Variants in TBC1D9 observed in about 807,000 individuals in gnomAD.
TBC1D9 encodes TBC1 domain family member 9.
In TBC1D9, 63 loss-of-function variants were observed where a neutral mutation model predicts 132.0. The ratio of observed to expected loss-of-function variants is 0.48; its 90% CI spans 0.39 to 0.59. The LOEUF (loss-of-function observed/expected upper bound fraction) is 0.59. Among genes scored for constraint, TBC1D9 ranks in the 20% least tolerant of loss-of-function variants. The pLI is 0.00. For synonymous variants in TBC1D9, 610 were observed against 609.9 expected (o/e 1.00, Z 0.00); for missense variants, 1,261 against 1,592.7 (o/e 0.79, Z 3.54).
chr4:140,666,492 C>A (rs888779528), intron 9 of TBC1D9, among the ~76,000 whole-genome samples: 2 of 152,152 alleles, frequency 1.3e-5, no homozygotes, highest in Non-Finnish European at 2.9e-5. Context: ...CCCGCCACCG[C>A]GCCCATCTAA....
At chr4:140,643,432 G>T in intron 13 of TBC1D9, 3 of 952,816 alleles carry the variant, frequency 3.1e-6, no homozygotes, top group Non-Finnish European at 1.7e-6. Context: ...TCCAGGCCGG[G>T]CAGGAACTGC....
At position 140,657,784 on chromosome 4, in the gene TBC1D9, C is replaced by T. The variant is rs1242092736; in HGVS notation, c.1950G>A (p.Glu650=). ...VGALVDQGVF[E]ELARDYVPQL... is the part of the protein sequence containing the mutation. Reference sequence around the variant, plus strand: ...GTGGGACGTAGTCTCGTGCTAGCTCCTCAAAGACACCTTGGTCCACCAGTG... The same window carrying T: ...GTGGGACGTAGTCTCGTGCTAGCTCTTCAAAGACACCTTGGTCCACCAGTG... The change falls in exon 12 of 21, where the codon GAG becomes GAA. Residue 650 remains glutamate (E), a synonymous_variant. Coordinates refer to ENST00000442267, the MANE Select transcript of TBC1D9 (RefSeq NM_015130.3). 2 of 1,613,418 alleles carry T rather than the reference C, an allele frequency of 1.2e-6. No homozygotes were observed. Among genetic ancestry groups the T allele is most frequent in the Non-Finnish European group, 8.5e-7 (1 of 1,179,690 alleles).
rs1462582101 is a variant in TBC1D9, at chr4:140,661,876, C to T, written c.1803+17G>A. On this transcript the variant is annotated intron_variant, in intron 10 of 20. Transcript: ENST00000442267. ...TTTTATTTTATTTTTTTAGCAAAAA[C>T]CACCTGTGACATTTACCTGGCAATA... 1 of 1,600,556 alleles carries T rather than the reference C, an allele frequency of 6.2e-7. No individual in the cohort carries two copies. Among genetic ancestry groups the T allele is most frequent in the Non-Finnish European group, 8.5e-7 (1 of 1,170,118 alleles).
At chr4:140,707,976 CA>C (rs967139724) in intron 1 of TBC1D9, among the ~76,000 whole-genome samples, 87 of 144,502 alleles carry the variant, frequency 6.0e-4, no homozygotes, top group Non-Finnish European at 4.7e-4. Flanking sequence ...TTTCCTACTT[CA>C]AAAAAAAAAA....
chr4:140,644,816 C>T, intron 13 of TBC1D9: 1 of 414,346 alleles, frequency 2.4e-6, no homozygotes, highest in Non-Finnish European at 4.8e-6. Flanking sequence ...ATCAGCTCCG[C>T]AAAGTGAGGC....
chr4:140,641,644 G>T (rs35060427), intron 13 of TBC1D9, among the ~76,000 whole-genome samples: 59,514 of 151,606 alleles, frequency 0.39, 12,855 homozygotes, highest in Non-Finnish European at 0.49. Context: ...CTCGGGGTAG[G>T]GGGAGGAGGG....
At chr4:140,624,063 A>G in intron 20 of TBC1D9, 53 bp downstream of exon 20, 1 of 1,408,062 alleles carries the variant, frequency 7.1e-7, no homozygotes. Context: ...TTTCAGTCAT[A>G]GAAAAAAGAG....
chr4:140,743,399 G>A (rs1227594311), intron 1 of TBC1D9, among the ~76,000 whole-genome samples: 4 of 152,142 alleles, frequency 2.6e-5, no homozygotes, highest in South Asian at 2.1e-4. Flanking sequence ...GTGCTAAAAC[G>A]TTATTAAGCC....
At position 140,622,063 on chromosome 4, in the gene TBC1D9, G is replaced by A; in HGVS notation, c.*132C>T. On this transcript the variant is annotated 3_prime_UTR_variant, in exon 21 of 21. Transcript: ENST00000442267. ...AACAGTTTTCATTGAATTACATTAT[G>A]AAAACACTAGGCTTCAAGCCAGGTA... 1 of 1,261,760 alleles carries A rather than the reference G, an allele frequency of 7.9e-7. No individual in the cohort carries two copies. The highest frequency in any genetic ancestry group is 1.0e-6 in the Non-Finnish European group (1 of 952,826). 78.2% of individuals were successfully genotyped at this position (1,261,760 alleles called of 1,614,324 possible).
intron 16 of TBC1D9, among the ~76,000 whole-genome samples, chr4:140,632,812 T>C (rs1421743134): frequency 6.6e-6 from 1 of 152,210 alleles, no homozygotes; most frequent in Non-Finnish European, 1.5e-5. Flanking sequence ...TAAAAAGCAT[T>C]AGGGCAATGC....
chr4:140,630,411 GT>G (rs913049511), intron 16 of TBC1D9, among the ~76,000 whole-genome samples: 2 of 152,196 alleles, frequency 1.3e-5, no homozygotes, highest in African/African-American at 4.8e-5. Flanking sequence ...AGACAAAGAA[GT>G]TCCCAACCTT....
At chr4:140,754,389 G>A (rs751134903) in intron 1 of TBC1D9, among the ~76,000 whole-genome samples, 18 of 152,086 alleles carry the variant, frequency 1.2e-4, no homozygotes, top group African/African-American at 4.1e-4. Flanking sequence ...CAAAGTGGGC[G>A]GATTATTTGA....
Position 140,639,087 on chromosome 4 carries a change from T to C in TBC1D9, c.2504A>G (p.Lys835Arg), listed in dbSNP as rs1271918640. 1.3e-6 allele frequency: 2 copies of C among 1,587,066 alleles called. No individual in the cohort carries two copies. Among genetic ancestry groups the C allele is most frequent in the Non-Finnish European group, 1.7e-6 (2 of 1,165,362 alleles). Residue 835 changes from lysine (K) to arginine (R), a missense_variant and splice_region_variant, in exon 15 of 21, where the codon AAG becomes AGG. This residue lies in a region of TBC1D9 where 618 missense variants were observed against 724.4 expected (regional missense o/e 0.85). Coordinates refer to ENST00000442267, the MANE Select transcript of TBC1D9 (RefSeq NM_015130.3). ...GCATGAATTTACCTTGCAACTCACCTTGAAAAGAGCATAAAGTTCTTCCAG... is the reference window on the plus strand; with the variant it reads ...GCATGAATTTACCTTGCAACTCACCCTGAAAAGAGCATAAAGTTCTTCCAG... The part of the protein sequence containing the change: ...DELEELYALF[K>R]AEHLTSCYWG...
intron 15 of TBC1D9, among the ~76,000 whole-genome samples, chr4:140,637,006 C>T (rs913169659): frequency 5.3e-5 from 8 of 152,102 alleles, no homozygotes; most frequent in African/African-American, 1.4e-4. Context: ...TCAAATGACA[C>T]GGCTGTTATC....
intron 1 of TBC1D9, among the ~76,000 whole-genome samples, chr4:140,703,541 G>A (rs1412631349): frequency 6.6e-6 from 1 of 152,146 alleles, no homozygotes; most frequent in African/African-American, 2.4e-5. Flanking sequence ...TTCCTCAGTT[G>A]TAAAGTGGTC....
chr4:140,650,521 G>C (rs528933076), intron 13 of TBC1D9, among the ~76,000 whole-genome samples: 22 of 152,058 alleles, frequency 1.4e-4, no homozygotes, highest in Non-Finnish European at 2.9e-4. Context: ...TTCTGCTCTA[G>C]AGTATTTTCT....
intron 1 of TBC1D9, among the ~76,000 whole-genome samples, chr4:140,711,268 A>G (rs1233323347): frequency 2.6e-5 from 4 of 152,334 alleles, no homozygotes; most frequent in Admixed American, 6.5e-5. Flanking sequence ...TCTTGGCTGT[A>G]GAGGCGGGTC....
At chr4:140,638,064 A>G (rs1166557902) in intron 15 of TBC1D9, among the ~76,000 whole-genome samples, 1 of 152,224 alleles carries the variant, frequency 6.6e-6, no homozygotes, top group Non-Finnish European at 1.5e-5. Context: ...AGTGGGCGAC[A>G]TCAGCAAGGG....
chr4:140,643,731 G>C, intron 13 of TBC1D9: 1 of 1,213,780 alleles, frequency 8.2e-7, no homozygotes, highest in Non-Finnish European at 1.1e-6. Flanking sequence ...TGTCCGGCCC[G>C]GGGAATCCAC....
Sources: allele counts gnomAD v4.1 joint callset (sites outside exome capture counted in the v4.1 genomes callset), GRCh38; gene constraint gnomAD v4.1.1; regional missense constraint gnomAD v4.1.1; transcripts MANE v1.5; gene names NCBI Gene and HGNC (gene_info 2026-07-23, HGNC 2026-07-21).